The following GLE1 variants were observed in gnomAD, a reference collection of about 807,000 sequenced individuals.
GLE1 encodes the protein mRNA export factor GLE1.
A neutral mutation model predicts 97.3 loss-of-function variants in GLE1; 78 were observed. The ratio of observed to expected loss-of-function variants is 0.80; its 90% CI spans 0.67 to 0.97. The LOEUF (loss-of-function observed/expected upper bound fraction) is 0.97, where lower values mean the gene tolerates loss of function less well. Among genes scored for constraint, GLE1 ranks in the 50% least tolerant of loss-of-function variants. The probability of loss-of-function intolerance (pLI) is 0.00; values close to 1 mark genes in which losing one functional copy is unlikely to be tolerated. For missense variants in GLE1, 753 were observed against 857.5 expected, an observed-to-expected ratio of 0.88 and a Z score of 1.52; for synonymous variants, 302 against 313.4, an observed-to-expected ratio of 0.96 and a Z score of 0.39.
At chr9:128,524,970 T>C (rs1030029811) in intron 6 of GLE1, among the ~76,000 whole-genome samples, 16 of 152,170 alleles carry the variant, frequency 1.1e-4, no homozygotes, top group African/African-American at 3.4e-4. Context: ...ACGCTGGCCC[T>C]TGTTGCTGAG....
In GLE1 at chr9:128,515,640, G is replaced by A. The variant is rs1315356999; in HGVS notation, c.432+1G>A. ...ACTGGTACACAGAATGAAAGGAACA[G>A]TAAGTGAACCCATGAAGGAAGGCAG... On this transcript the variant is annotated splice_donor_variant, in intron 3 of 15. Transcript: ENST00000309971. LOFTEE classifies it high-confidence loss of function. The A allele has an allele frequency of 6.6e-7, 1 of 1,511,972 alleles. No homozygotes were observed. The highest frequency in any genetic ancestry group is 2.3e-5 in the East Asian group (1 of 44,372). 93.7% of individuals were successfully genotyped at this position (1,511,972 alleles called of 1,614,324 possible).
intron 11 of GLE1, among the ~76,000 whole-genome samples, chr9:128,535,953 GT>G (rs1847695049): frequency 6.0e-5 from 1 of 16,644 alleles, no homozygotes. Flanking sequence ...TCCAGCCTGG[GT>G]GACAGAGACT....
At chr9:128,515,171 A>G (rs1006859625) in intron 2 of GLE1, among the ~76,000 whole-genome samples, 1 of 152,186 alleles carries the variant, frequency 6.6e-6, no homozygotes, top group East Asian at 1.9e-4. Context: ...GGAGGATGGA[A>G]GCTTAGGGAT....
intron 9 of GLE1, among the ~76,000 whole-genome samples, chr9:128,532,194 T>C (rs1290472224): frequency 2.0e-5 from 3 of 146,876 alleles, no homozygotes; most frequent in Non-Finnish European, 4.5e-5. Context: ...TGGAAAGTAA[T>C]TCAGATCTGC....
At chr9:128,518,131 TA>T (rs887874065) in intron 3 of GLE1, among the ~76,000 whole-genome samples, 2 of 150,476 alleles carry the variant, frequency 1.3e-5, no homozygotes, top group African/African-American at 2.4e-5. Context: ...TTCATTTTCT[TA>T]AAAAAAACTC....
chr9:128,514,606 G>T (rs1296465790), intron 2 of GLE1, among the ~76,000 whole-genome samples: 2 of 151,888 alleles, frequency 1.3e-5, no homozygotes, highest in Non-Finnish European at 2.9e-5. Context: ...CCATGCCTAG[G>T]CACGTGCCAC....
intron 3 of GLE1, among the ~76,000 whole-genome samples, chr9:128,517,638 G>T (rs908213912): frequency 1.3e-5 from 2 of 152,040 alleles, no homozygotes; most frequent in African/African-American, 2.4e-5. Context: ...CCCTTGATTA[G>T]TTCACCTCTC....
Position 128,533,634 on chromosome 9 carries a change from C to G in GLE1, c.1434C>G (p.Tyr478Ter). The change falls in exon 10 of 16, where the codon TAC (tyrosine) becomes TAG (stop). Residue 478 changes from tyrosine (Y) to a stop codon, truncating the protein, a stop_gained. Coordinates refer to ENST00000309971, the MANE Select transcript of GLE1 (RefSeq NM_001003722.2). LOFTEE classifies it high-confidence loss of function. ...LNPQGLDFVQ[Y>*]KLAEKFVKQG... ...CACAGGGGCTGGACTTTGTTCAATA[C>G]AAACTGGCAGAGAAATTTGTGGTGA... 4 of 1,614,078 alleles carry G rather than the reference C, an allele frequency of 2.5e-6. No homozygotes were observed. The highest frequency in any genetic ancestry group is 3.4e-6 in the Non-Finnish European group (4 of 1,180,006).
intron 2 of GLE1, among the ~76,000 whole-genome samples, chr9:128,514,363 A>G (rs1846916072): frequency 6.7e-6 from 1 of 150,168 alleles, no homozygotes; most frequent in African/African-American, 2.4e-5. Context: ...AAAAAAACTT[A>G]GAAAAGTTCA....
chr9:128,508,949 C>T lies in GLE1; in HGVS notation c.173C>T (p.Pro58Leu). ...GGATGGGTGGTAGAGCACGTCCTAC[C>T]CCATATGCAGGAGAACCAACCTCTG... ...YSGWVVEHVL[P>L]HMQENQPLSE... is the part of the protein sequence containing the mutation. Residue 58 changes from proline to leucine, a missense_variant, in exon 2 of 16, where the codon CCC (proline) becomes CTC (leucine). Physicochemically the swap from Pro to Leu is moderately conservative, Grantham distance 98 (BLOSUM62 -3). Transcript: ENST00000309971. The T allele has an allele frequency of 1.2e-6, 2 of 1,611,080 alleles. No homozygotes were observed. Among genetic ancestry groups the T allele is most frequent in the Non-Finnish European group, 1.7e-6 (2 of 1,177,320 alleles).
chr9:128,537,869 T>C, intron 12 of GLE1, 117 bp from the exon 13 acceptor site: 2 of 718,578 alleles, frequency 2.8e-6, no homozygotes, highest in South Asian at 3.0e-5. Flanking sequence ...CTGTGGCAGG[T>C]GCTAGGGCTG....
Position 128,525,334 on chromosome 9 carries a change from A to G in GLE1, c.1040A>G (p.Lys347Arg), listed in dbSNP as rs1564151550. The G allele has an allele frequency of 6.2e-7, 1 of 1,613,832 alleles. No individual in the cohort carries two copies. The highest frequency in any genetic ancestry group is 8.5e-7 in the Non-Finnish European group (1 of 1,179,932). The change falls in exon 7 of 16, where the codon AAG (lysine) becomes AGG (arginine). Residue 347 changes from lysine (K) to arginine (R), a missense_variant. By Grantham distance (26) the Lys-to-Arg change is conservative (BLOSUM62 2). Coordinates refer to ENST00000309971, the MANE Select transcript of GLE1 (RefSeq NM_001003722.2). ...CAGGATGAAGAAGAGGCCCAGGTAA[A>G]GCTGCAAGAGGCACAGATGCAGCAG... ...RRQDEEEAQV[K>R]LQEAQMQQGP... is the part of the protein sequence containing the mutation.
At chr9:128,510,651 C>T (rs1490720432) in intron 2 of GLE1, among the ~76,000 whole-genome samples, 2 of 151,412 alleles carry the variant, frequency 1.3e-5, no homozygotes, top group African/African-American at 2.4e-5. Context: ...GCCTCAGCCT[C>T]CCAAGTAGCT....
chr9:128,519,310 G>C (rs1462994831), intron 3 of GLE1, among the ~76,000 whole-genome samples: 1 of 152,160 alleles, frequency 6.6e-6, no homozygotes, highest in Non-Finnish European at 1.5e-5. Context: ...CGGTGAGCTG[G>C]GCAGAACAAA....
In GLE1 at chr9:128,541,437, G is replaced by T; in HGVS notation, c.*267G>T. On this transcript the variant is annotated 3_prime_UTR_variant, in exon 16 of 16. Coordinates refer to ENST00000309971, the MANE Select transcript of GLE1 (RefSeq NM_001003722.2). ...CTTGTTTTTTGCAAAAGTGATAAAA[G>T]GTCTTTAGCACTTGGTCTCCTCCCT... 2.0e-6 allele frequency: 1 copy of T among 491,616 alleles called. No homozygotes were observed. Among genetic ancestry groups the T allele is most frequent in the Non-Finnish European group, 3.7e-6 (1 of 270,526 alleles). 30.5% of individuals were successfully genotyped at this position (491,616 alleles called of 1,614,324 possible).
intron 9 of GLE1, among the ~76,000 whole-genome samples, chr9:128,531,214 C>CAAAA (rs34976261): frequency 2.4e-5 from 1 of 40,860 alleles, no homozygotes; most frequent in African/African-American, 9.0e-5. Flanking sequence ...AACTCCATCT[C>CAAAA]AAAAAAAAAA....
intron 9 of GLE1, among the ~76,000 whole-genome samples, chr9:128,531,801 T>C (rs1847517628): frequency 4.8e-5 from 6 of 126,042 alleles, no homozygotes; most frequent in Non-Finnish European, 6.2e-5. Flanking sequence ...CACTGCACTC[T>C]AGCCTGGGTG....
intron 2 of GLE1, among the ~76,000 whole-genome samples, chr9:128,509,462 A>T (rs1488188823): frequency 2.0e-5 from 3 of 151,362 alleles, no homozygotes; most frequent in African/African-American, 7.3e-5. Flanking sequence ...GCCTTCTCTC[A>T]TTGGTTCTGT....
In GLE1 at chr9:128,523,783, C is replaced by T. The variant is rs749866929; in HGVS notation, c.834C>T (p.Ala278=). Residue 278 remains alanine, a synonymous_variant, in exon 6 of 16, where the codon GCC becomes GCT. Coordinates refer to ENST00000309971, the MANE Select transcript of GLE1 (RefSeq NM_001003722.2). ...CCCTGCTTAAGGTCGACCTGGCTGCCTTCCAGACCCGAGGCAACCAGCTGT... is the reference window on the plus strand; with the variant it reads ...CCCTGCTTAAGGTCGACCTGGCTGCTTTCCAGACCCGAGGCAACCAGCTGT... ...HKALLKVDLA[A]FQTRGNQLCS... 22 of 1,613,910 alleles carry T rather than the reference C, an allele frequency of 1.4e-5. No homozygotes were observed. Among genetic ancestry groups the T allele is most frequent in the Middle Eastern group, 3.3e-4 (2 of 6,064 alleles).
Sources: allele counts gnomAD v4.1 joint callset (sites outside exome capture counted in the v4.1 genomes callset), GRCh38; gene constraint gnomAD v4.1.1; transcripts MANE v1.5; gene names NCBI Gene and HGNC (gene_info 2026-07-23, HGNC 2026-07-21).